TENM1: variants seen among roughly 807,000 people sequenced by gnomAD.
The protein encoded by TENM1 is teneurin-1.
A neutral mutation model predicts 174.8 loss-of-function variants in TENM1; 35 were observed. That is an observed-to-expected ratio of 0.20 (90% CI 0.15 to 0.27). The LOEUF (loss-of-function observed/expected upper bound fraction) is 0.27, where lower values mean the gene tolerates loss of function less well. Ranked by LOEUF, TENM1 falls within the 10% of genes least tolerant of loss-of-function variation. The pLI, the probability that TENM1 is intolerant of heterozygous loss-of-function variation, is 1.00. For missense variants in TENM1, 1,633 were observed against 2,130.1 expected (o/e 0.77, Z 4.59); for synonymous variants, 781 against 798.7 (o/e 0.98, Z 0.37).
intron 11 of TENM1, among the ~76,000 whole-genome samples, chrX:124,582,266 T>C (rs1475201208): frequency 8.9e-6 from 1 of 112,429 alleles, no homozygotes; most frequent in Non-Finnish European, 1.9e-5. Flanking sequence ...TACCATATTT[T>C]CTTTATCCAG....
intron 3 of TENM1, among the ~76,000 whole-genome samples, chrX:124,795,385 T>C (rs1033346303): frequency 8.9e-6 from 1 of 112,374 alleles, no homozygotes; most frequent in African/African-American, 3.2e-5. Flanking sequence ...AAGATGTAGA[T>C]AGCTTATAAT....
intron 3 of TENM1, among the ~76,000 whole-genome samples, chrX:124,808,401 A>G (rs2055671460): frequency 8.9e-6 from 1 of 111,837 alleles, no homozygotes; most frequent in Non-Finnish European, 1.9e-5. Context: ...TCAACACTCC[A>G]CTTTCAGCAA....
chrX:124,734,504 T>TTATA (rs2053629509), intron 4 of TENM1, among the ~76,000 whole-genome samples: 1 of 111,322 alleles, frequency 9.0e-6, no homozygotes, highest in Non-Finnish European at 1.9e-5. Flanking sequence ...ACTCTATCAC[T>TTATA]AGTATAGTTC....
At chrX:125,145,248 A>C in the TENM1 span, among the ~76,000 whole-genome samples, 19 of 111,883 alleles carry the variant, frequency 1.7e-4, no homozygotes, top group African/African-American at 6.2e-4. Context: ...AGTTCATATT[A>C]GTGGGATTGA....
chrX:124,488,583 C>T (rs181729407), intron 20 of TENM1, among the ~76,000 whole-genome samples: 4 of 112,081 alleles, frequency 3.6e-5, no homozygotes, highest in Admixed American at 9.4e-5. Flanking sequence ...GAAACCTGGC[C>T]GCAGGCATTT....
At chrX:124,474,149 A>G (rs1470810775) in intron 22 of TENM1, among the ~76,000 whole-genome samples, 2 of 111,750 alleles carry the variant, frequency 1.8e-5, no homozygotes, top group Admixed American at 1.9e-4. Context: ...TATTATAATT[A>G]TTATGACTAT....
intron 3 of TENM1, among the ~76,000 whole-genome samples, chrX:124,800,240 T>C (rs941554113): frequency 8.9e-5 from 10 of 111,857 alleles, no homozygotes; most frequent in African/African-American, 3.3e-4. Flanking sequence ...CCTGGGCTTT[T>C]TGTGGTTGGT....
intron 1 of TENM1, among the ~76,000 whole-genome samples, chrX:124,948,623 G>A (rs113134113): frequency 0.023 from 2,581 of 112,419 alleles, 66 homozygotes; most frequent in African/African-American, 0.08. Flanking sequence ...CACGATCTTG[G>A]CTCACTGCAA....
chrX:124,991,405 A>G, the TENM1 span, among the ~76,000 whole-genome samples: 1 of 109,640 alleles, frequency 9.1e-6, no homozygotes, highest in East Asian at 2.9e-4. Flanking sequence ...CATGTACACT[A>G]AAGGCTAGCT....
chrX:124,826,573 G>A (rs1177367936), intron 3 of TENM1, among the ~76,000 whole-genome samples: 1 of 111,486 alleles, frequency 9.0e-6, no homozygotes, highest in Non-Finnish European at 1.9e-5. Flanking sequence ...AGTGTTAAAC[G>A]AAAGGCAAGA....
chrX:125,176,627 C>T, the TENM1 span, among the ~76,000 whole-genome samples: 2 of 111,191 alleles, frequency 1.8e-5, no homozygotes, highest in Non-Finnish European at 3.8e-5. Context: ...ACAGGCTTCC[C>T]ACTCCCATGG....
At chrX:124,671,163 A>C (rs2051910505) in intron 6 of TENM1, among the ~76,000 whole-genome samples, 1 of 111,024 alleles carries the variant, frequency 9.0e-6, no homozygotes, top group South Asian at 3.8e-4. Context: ...TTCAGGACTC[A>C]AAGTGATTTT....
intron 1 of TENM1, among the ~76,000 whole-genome samples, chrX:124,918,715 C>G (rs745524155): frequency 9.0e-6 from 1 of 111,715 alleles, no homozygotes; most frequent in East Asian, 2.8e-4. Context: ...AGACACTGTG[C>G]GAAGACCTAT....
intron 1 of TENM1, among the ~76,000 whole-genome samples, chrX:124,901,023 C>T (rs994006555): frequency 9.0e-6 from 1 of 110,861 alleles, no homozygotes; most frequent in African/African-American, 3.3e-5. Context: ...AACTCCTGAC[C>T]TCAGGCGATC....
intron 1 of TENM1, among the ~76,000 whole-genome samples, chrX:124,936,382 T>C (rs1347218026): frequency 1.8e-5 from 2 of 111,803 alleles, no homozygotes; most frequent in Admixed American, 1.9e-4. Context: ...ATCCTTCTTA[T>C]CTCAGCTTAA....
At chrX:124,430,286 A>G (rs1193534777) in intron 23 of TENM1, among the ~76,000 whole-genome samples, 1 of 111,692 alleles carries the variant, frequency 9.0e-6, no homozygotes, top group African/African-American at 3.3e-5. Context: ...GATGAAAGCT[A>G]TGTACTCTCT....
rs201481902 is a variant in TENM1, at chrX:124,685,561, G to GTTTTTTTTTT, written c.1016-13736_1016-13727dup. ...GCTTATGGTCTCTTCAAGCAAATCT[G>GTTTTTTTTTT]TTTTTTTTTTTTTTTGAGATGGAGT... On this transcript the variant is annotated intron_variant, in intron 5 of 31. Transcript: ENST00000422452. Among the ~76,000 whole-genome samples the GTTTTTTTTTT allele has an allele frequency of 6.4e-4, 60 of 94,476 alleles. 1 individual carries two copies. The highest frequency in any genetic ancestry group is 2.2e-3 in the African/African-American group (56 of 24,968). The allele number at this position is 94,476 out of a possible 115,157, so 82.0% of individuals were successfully genotyped here. A position where few individuals can be genotyped will look rare whatever the true frequency, so the allele number is the denominator to read the frequency against.
At chrX:125,004,808 G>T in the TENM1 span, among the ~76,000 whole-genome samples, 1 of 110,835 alleles carries the variant, frequency 9.0e-6, no homozygotes, top group African/African-American at 3.3e-5. Context: ...CATTTTCTAT[G>T]TTTTTTTCTT....
chrX:125,006,753 G>C, the TENM1 span, among the ~76,000 whole-genome samples: 1 of 111,569 alleles, frequency 9.0e-6, no homozygotes, highest in East Asian at 2.8e-4. Context: ...CCAGCAAATT[G>C]TAGCAGACCT....
Sources: allele counts gnomAD v4.1 joint callset (sites outside exome capture counted in the v4.1 genomes callset), GRCh38; gene constraint gnomAD v4.1.1; transcripts MANE v1.5; gene names NCBI Gene and HGNC (gene_info 2026-07-23, HGNC 2026-07-21).